The following DUSP22 variants were observed in gnomAD, a reference collection of about 807,000 sequenced individuals.
DUSP22 encodes the protein dual specificity protein phosphatase 22.
Under a neutral mutation model 24.5 loss-of-function variants are expected in DUSP22, and 24 were observed. The ratio of observed to expected loss-of-function variants is 0.98; its 90% CI spans 0.71 to 1.38. The LOEUF is 1.38. Ranked by LOEUF, DUSP22 falls within the 40% of genes most tolerant of loss-of-function variation. DUSP22 has a pLI of 0.00. For synonymous variants in DUSP22, 160 were observed against 106.4 expected (o/e 1.50, Z -3.10); for missense variants, 330 against 269.2 (o/e 1.23, Z -1.58).
rs916469909 is a variant in DUSP22, at chr6:350,471, C to G, written c.*1520C>G. On this transcript the variant is annotated 3_prime_UTR_variant, in exon 7 of 7. Coordinates refer to ENST00000419235, the MANE Select transcript of DUSP22 (RefSeq NM_001286555.3). ...TCTGAATTCCACCACAAAAAGAGAC[C>G]CTGAATAAGAAGAGCAGTTTTCCTG... 8.6e-7 allele frequency: 1 copy of G among 1,161,736 alleles called. No individual in the cohort carries two copies. Among genetic ancestry groups the G allele is most frequent in the South Asian group, 2.3e-5 (1 of 43,596 alleles). The allele number at this position is 1,161,736 out of a possible 1,614,324, so 72.0% of individuals were successfully genotyped here.
At chr6:295,952 A>G (rs1757309777) in intron 1 of DUSP22, among the ~76,000 whole-genome samples, 1 of 152,294 alleles carries the variant, frequency 6.6e-6, no homozygotes, top group Non-Finnish European at 1.5e-5. Flanking sequence ...GTTAGGTAGC[A>G]TAAGTAATGC....
At chr6:309,861 T>C (rs1191375769) in intron 2 of DUSP22, among the ~76,000 whole-genome samples, 1 of 152,308 alleles carries the variant, frequency 6.6e-6, no homozygotes, top group Non-Finnish European at 1.5e-5. Flanking sequence ...GTTTGGTACC[T>C]GCTTTACATT....
intron 2 of DUSP22, among the ~76,000 whole-genome samples, chr6:309,343 T>C (rs1389546386): frequency 1.3e-5 from 2 of 152,426 alleles, no homozygotes; most frequent in African/African-American, 2.4e-5. Context: ...TTTCTCACTT[T>C]GGGTCAAAAG....
intron 2 of DUSP22, among the ~76,000 whole-genome samples, chr6:309,163 A>G (rs1757954493): frequency 6.6e-6 from 1 of 152,304 alleles, no homozygotes; most frequent in African/African-American, 2.4e-5. Flanking sequence ...GGGGGTTGGC[A>G]GTGAGTCCCC....
At chr6:321,627 A>G (rs1227296038) in intron 3 of DUSP22, among the ~76,000 whole-genome samples, 1 of 152,306 alleles carries the variant, frequency 6.6e-6, no homozygotes, top group Non-Finnish European at 1.5e-5. Context: ...TCTAGCAAGA[A>G]TCAAGCAAAA....
chr6:304,694 A>G, intron 2 of DUSP22, 33 bp downstream of exon 2: 2 of 1,613,346 alleles, frequency 1.2e-6, no homozygotes, highest in Non-Finnish European at 1.7e-6. Context: ...TTGTGATAAA[A>G]TACACATAAC....
chr6:311,573 G>A (rs534172780), intron 2 of DUSP22, among the ~76,000 whole-genome samples: 14 of 152,408 alleles, frequency 9.2e-5, no homozygotes, highest in South Asian at 8.3e-4. Context: ...CCAGCTACTC[G>A]GGAAGCTGAG....
intron 3 of DUSP22, among the ~76,000 whole-genome samples, chr6:323,677 C>G (rs1233817336): frequency 6.6e-6 from 1 of 152,308 alleles, no homozygotes; most frequent in Non-Finnish European, 1.5e-5. Context: ...ATTTCCCTGT[C>G]AGTTTGTAAC....
At chr6:313,670 C>T (rs1405832219) in intron 3 of DUSP22, among the ~76,000 whole-genome samples, 1 of 152,300 alleles carries the variant, frequency 6.6e-6, no homozygotes, top group African/African-American at 2.4e-5. Flanking sequence ...CTATTATTAT[C>T]TTAGCTTCAT....
At chr6:294,892 A>G (rs1219567759) in intron 1 of DUSP22, among the ~76,000 whole-genome samples, 2 of 152,298 alleles carry the variant, frequency 1.3e-5, no homozygotes, top group Non-Finnish European at 2.9e-5. Flanking sequence ...AAAGTGACCT[A>G]GAAGGGGCAT....
intron 3 of DUSP22, among the ~76,000 whole-genome samples, chr6:331,941 G>T (rs531945598): frequency 1.3e-5 from 2 of 152,424 alleles, no homozygotes; most frequent in African/African-American, 4.8e-5. Flanking sequence ...GGACGCTGGT[G>T]TCCCTTGAGC....
intron 1 of DUSP22, among the ~76,000 whole-genome samples, chr6:294,836 T>C (rs1484287087): frequency 6.6e-6 from 1 of 152,280 alleles, no homozygotes; most frequent in Non-Finnish European, 1.5e-5. Flanking sequence ...CTCCAGAGGA[T>C]AAAATAGGCA....
chr6:318,519 G>T (rs1460943690), intron 3 of DUSP22, among the ~76,000 whole-genome samples: 1 of 152,262 alleles, frequency 6.6e-6, no homozygotes, highest in African/African-American at 2.4e-5. Context: ...ACCACAGCAG[G>T]CCTCAGCTCT....
chr6:331,674 G>T (rs1367772297), intron 3 of DUSP22, among the ~76,000 whole-genome samples: 1 of 152,306 alleles, frequency 6.6e-6, no homozygotes, highest in Non-Finnish European at 1.5e-5. Context: ...TTCTGAATTA[G>T]TAATTAACTG....
chr6:326,650 G>C (rs912425134), intron 3 of DUSP22, among the ~76,000 whole-genome samples: 4 of 152,304 alleles, frequency 2.6e-5, no homozygotes, highest in African/African-American at 4.8e-5. Context: ...CCTTGAGGGA[G>C]AGTCACTGGC....
intron 3 of DUSP22, among the ~76,000 whole-genome samples, chr6:328,161 C>CG (rs1234945138): frequency 6.6e-6 from 1 of 152,308 alleles, no homozygotes; most frequent in Non-Finnish European, 1.5e-5. Flanking sequence ...GTTCAGGCTT[C>CG]ACCTTCATTA....
chr6:293,311 C>T (rs1454242637), intron 1 of DUSP22, among the ~76,000 whole-genome samples: 3 of 152,298 alleles, frequency 2.0e-5, no homozygotes, highest in Non-Finnish European at 4.4e-5. Context: ...CAGATTCCAG[C>T]TCTGGCAGCT....
chr6:293,061 C>T lies in DUSP22; in HGVS notation c.21+501C>T, dbSNP rs538159210. Among the ~76,000 whole-genome samples the T allele has an allele frequency of 1.1e-4, 17 of 152,282 alleles. No individual in the cohort carries two copies. In the East Asian group the frequency reaches 3.1e-3, roughly 28 times the overall value. ...TTGTGGACAGAGAAGTTAACAGAGT[C>T]CTAAGTCCTGAGCTGTTTCTAGATA... On this transcript the variant is annotated intron_variant, in intron 1 of 6. Coordinates refer to ENST00000419235, the MANE Select transcript of DUSP22 (RefSeq NM_001286555.3).
At chr6:321,632 G>A (rs1304472694) in intron 3 of DUSP22, among the ~76,000 whole-genome samples, 3 of 152,286 alleles carry the variant, frequency 2.0e-5, no homozygotes, top group Non-Finnish European at 4.4e-5. Flanking sequence ...CAAGAATCAA[G>A]CAAAAGGAAC....
Sources: allele counts gnomAD v4.1 joint callset (sites outside exome capture counted in the v4.1 genomes callset), GRCh38; gene constraint gnomAD v4.1.1; transcripts MANE v1.5; gene names NCBI Gene and HGNC (gene_info 2026-07-23, HGNC 2026-07-21).